Variants in EGLN1 observed in about 807,000 individuals in gnomAD.
The protein encoded by EGLN1 is egl nine homolog 1.
EGLN1 carries 17 observed loss-of-function variants against 38.3 expected under a neutral mutation model. The ratio of observed to expected loss-of-function variants is 0.44; its 90% confidence interval spans 0.30 to 0.67. EGLN1 has a LOEUF of 0.67. Ranked by LOEUF, EGLN1 falls within the 30% of genes least tolerant of loss-of-function variation. EGLN1 has a pLI of 0.08. For missense variants in EGLN1, 477 were observed against 603.3 expected (o/e 0.79, Z 2.19); for synonymous variants, 283 against 257.5 (o/e 1.10, Z -0.95).
intron 1 of EGLN1, among the ~76,000 whole-genome samples, chr1:231,401,351 T>C (rs1688658290): frequency 6.6e-6 from 1 of 152,078 alleles, no homozygotes; most frequent in African/African-American, 2.4e-5. Context: ...GTAATCTGGG[T>C]AGAAAGAGCA....
chr1:231,383,974 T>G (rs1688133820), intron 1 of EGLN1, among the ~76,000 whole-genome samples: 2 of 152,156 alleles, frequency 1.3e-5, no homozygotes, highest in African/African-American at 4.8e-5. Context: ...AATAAAATCA[T>G]TTTTCCATTT....
At chr1:231,367,051 A>T (rs1687668528) in intron 4 of EGLN1, among the ~76,000 whole-genome samples, 1 of 152,230 alleles carries the variant, frequency 6.6e-6, no homozygotes, top group African/African-American at 2.4e-5. Context: ...CAGGTTCAGT[A>T]CAAGAGTGCT....
intron 1 of EGLN1, among the ~76,000 whole-genome samples, chr1:231,417,306 T>A (rs1156717874): frequency 6.6e-6 from 1 of 152,218 alleles, no homozygotes; most frequent in Non-Finnish European, 1.5e-5. Flanking sequence ...CTCCTTTTCT[T>A]TATGTATGTT....
At chr1:231,371,632 C>A (rs1356595439) in intron 2 of EGLN1, among the ~76,000 whole-genome samples, 1 of 152,152 alleles carries the variant, frequency 6.6e-6, no homozygotes, top group African/African-American at 2.4e-5. Context: ...TTATTATTTA[C>A]CTAAACACCA....
intron 3 of EGLN1, 58 bp from the exon 4 acceptor site, chr1:231,367,694 T>G: frequency 1.3e-6 from 2 of 1,485,988 alleles, no homozygotes; most frequent in Admixed American, 3.3e-5. Context: ...AAAGTGGTAT[T>G]TTGCTGCAAT....
chr1:231,367,762 T>C (rs548064785), intron 3 of EGLN1, 126 bp from the exon 4 acceptor site: 2 of 800,080 alleles, frequency 2.5e-6, no homozygotes, highest in East Asian at 5.2e-5. Context: ...TATCAAAGGA[T>C]AAATTTAACA....
chr1:231,388,726 C>T (rs1017945248), intron 1 of EGLN1, among the ~76,000 whole-genome samples: 3 of 152,162 alleles, frequency 2.0e-5, no homozygotes, highest in Non-Finnish European at 4.4e-5. Context: ...GTGATCTCAG[C>T]TCACTTCAAC....
intron 1 of EGLN1, among the ~76,000 whole-genome samples, chr1:231,375,686 C>G (rs1189524606): frequency 6.6e-6 from 1 of 152,122 alleles, no homozygotes; most frequent in Admixed American, 6.6e-5. Context: ...TGGTAACAAC[C>G]AGGAGTGTGG....
At chr1:231,371,804 T>C (rs1339219952) in intron 2 of EGLN1, among the ~76,000 whole-genome samples, 1 of 152,092 alleles carries the variant, frequency 6.6e-6, no homozygotes, top group African/African-American at 2.4e-5. Flanking sequence ...CCTAAGCAGG[T>C]AGACTCTTAA....
intron 2 of EGLN1, among the ~76,000 whole-genome samples, chr1:231,372,361 C>A (rs1180394419): frequency 2.0e-5 from 3 of 152,136 alleles, no homozygotes; most frequent in Admixed American, 6.6e-5. Flanking sequence ...TTCTATTCTA[C>A]ACACAAAAAC....
intron 1 of EGLN1, among the ~76,000 whole-genome samples, chr1:231,405,891 T>A (rs1688776844): frequency 6.6e-6 from 1 of 152,012 alleles, no homozygotes; most frequent in Admixed American, 6.6e-5. Flanking sequence ...TCCAGAGATG[T>A]TTCAGATCTA....
Position 231,405,933 on chromosome 1 carries a change from AC to A in EGLN1, c.891+15064del, listed in dbSNP as rs1378688166. 4.1e-4 allele frequency among the ~76,000 whole-genome samples: 62 copies of A among 151,906 alleles called. 1 individual carries two copies. The highest frequency in any genetic ancestry group is 1.5e-3 in the African/African-American group (60 of 41,340). ...ATAGAAACTATTTTAATATAAAAAA[AC>A]TAGTATGAATTCTAGTTTCATTTTA... On this transcript the variant is annotated intron_variant, in intron 1 of 4. Coordinates refer to ENST00000366641, the MANE Select transcript of EGLN1 (RefSeq NM_022051.3).
chr1:231,366,306 G>T lies in EGLN1; in HGVS notation c.*105C>A. 1 of 1,286,076 alleles carries T rather than the reference G, an allele frequency of 7.8e-7. No individual in the cohort carries two copies. Among genetic ancestry groups the T allele is most frequent in the Non-Finnish European group, 1.1e-6 (1 of 894,758 alleles). 79.7% of individuals were successfully genotyped at this position (1,286,076 alleles called of 1,614,324 possible). On this transcript the variant is annotated 3_prime_UTR_variant, in exon 5 of 5. Coordinates refer to ENST00000366641, the MANE Select transcript of EGLN1 (RefSeq NM_022051.3). ...GTTGTTTCTGTTTCCTTATTAAAAT[G>T]CGAACTGGTTGTCTATTTTTCTTTA...
At chr1:231,394,198 C>A (rs1688460088) in intron 1 of EGLN1, among the ~76,000 whole-genome samples, 1 of 152,126 alleles carries the variant, frequency 6.6e-6, no homozygotes. Flanking sequence ...GCTACTAGCA[C>A]CACTGGAAAA....
At chr1:231,366,536 A>G (rs1687652969) in intron 4 of EGLN1, 61 bp from the exon 5 acceptor site, 22 of 1,446,358 alleles carry the variant, frequency 1.5e-5, no homozygotes, top group Non-Finnish European at 2.1e-5. Flanking sequence ...AGCTTCTGCT[A>G]CTGCATTCCA....
intron 1 of EGLN1, among the ~76,000 whole-genome samples, chr1:231,405,199 G>C (rs1276969722): frequency 6.6e-6 from 1 of 152,108 alleles, no homozygotes; most frequent in Admixed American, 6.5e-5. Context: ...TTGAGACGGA[G>C]TCTTGTTCTG....
At chr1:231,388,595 C>T (rs1324001673) in intron 1 of EGLN1, among the ~76,000 whole-genome samples, 1 of 151,796 alleles carries the variant, frequency 6.6e-6, no homozygotes, top group Non-Finnish European at 1.5e-5. Context: ...CCGCAGCCTC[C>T]CAAGTAGCTG....
chr1:231,383,882 T>C (rs1391583322), intron 1 of EGLN1, among the ~76,000 whole-genome samples: 3 of 152,102 alleles, frequency 2.0e-5, no homozygotes, highest in Non-Finnish European at 2.9e-5. Context: ...TTCTTGACAA[T>C]TATTCCTTCA....
chr1:231,404,222 A>G (rs1281236823), intron 1 of EGLN1, among the ~76,000 whole-genome samples: 1 of 152,282 alleles, frequency 6.6e-6, no homozygotes, highest in East Asian at 1.9e-4. Context: ...TTTTACTACG[A>G]GCACAATTAC....
Sources: allele counts gnomAD v4.1 joint callset (sites outside exome capture counted in the v4.1 genomes callset), GRCh38; gene constraint gnomAD v4.1.1; transcripts MANE v1.5; gene names NCBI Gene and HGNC (gene_info 2026-07-23, HGNC 2026-07-21).